FBN1: variants seen among roughly 807,000 people sequenced by gnomAD.
FBN1 encodes the protein fibrillin 1.
In FBN1, 29 loss-of-function variants were observed where a neutral mutation model predicts 365.1. That is an observed-to-expected ratio of 0.08 (90% confidence interval 0.06 to 0.11). The LOEUF (loss-of-function observed/expected upper bound fraction) is 0.11, where lower values mean the gene tolerates loss of function less well. Among genes scored for constraint, FBN1 ranks in the 10% least tolerant of loss-of-function variants. The pLI, the probability that FBN1 is intolerant of heterozygous loss-of-function variation, is 1.00. For synonymous variants in FBN1, 1,210 were observed against 1,270.5 expected (o/e 0.95, Z 1.01); for missense variants, 2,476 against 3,703.2 (o/e 0.67, Z 8.60).
At chr15:48,616,716 C>A (rs1889660941) in intron 2 of FBN1, among the ~76,000 whole-genome samples, 1 of 152,116 alleles carries the variant, frequency 6.6e-6, no homozygotes. Flanking sequence ...TCCCCATCAA[C>A]CCCCATCACT....
At chr15:48,556,872 TA>T (rs898070939) in intron 6 of FBN1, among the ~76,000 whole-genome samples, 2 of 152,228 alleles carry the variant, frequency 1.3e-5, no homozygotes, top group African/African-American at 4.8e-5. Context: ...TTATCAGTGA[TA>T]TTTTTAAAAG....
chr15:48,472,467 A>G, intron 35 of FBN1, 84 bp downstream of exon 35: 1 of 1,525,680 alleles, frequency 6.6e-7, no homozygotes, highest in Admixed American at 1.9e-5. Context: ...TTAAAAAAAA[A>G]AAAAAAAAAA....
At chr15:48,413,846 T>C (rs2042882142) in intron 64 of FBN1, among the ~76,000 whole-genome samples, 1 of 152,230 alleles carries the variant, frequency 6.6e-6, no homozygotes, top group Non-Finnish European at 1.5e-5. Flanking sequence ...GAATATCTGT[T>C]GTATTTCAAA....
intron 8 of FBN1, among the ~76,000 whole-genome samples, chr15:48,527,591 C>G (rs1456014121): frequency 6.6e-6 from 1 of 152,200 alleles, no homozygotes. Flanking sequence ...GCTAAGTACT[C>G]TCTTCATTTA....
At chr15:48,484,051 A>G in intron 30 of FBN1, 108 bp from the exon 31 acceptor site, 2 of 1,097,810 alleles carry the variant, frequency 1.8e-6, no homozygotes, top group South Asian at 1.3e-5. Flanking sequence ...CTAGCATAAG[A>G]CTATTAACTC....
rs533312404 is a variant in FBN1, at chr15:48,408,540, G to T, written c.*2450C>A. 6.5e-6 allele frequency: 1 copy of T among 152,730 alleles called. No homozygotes were observed. Among genetic ancestry groups the T allele is most frequent in the South Asian group, 2.1e-4 (1 of 4,826 alleles). 9.5% of individuals were successfully genotyped at this position (152,730 alleles called of 1,614,324 possible). A position where few individuals can be genotyped will look rare whatever the true frequency, so the allele number is the denominator to read the frequency against. ...TTGGCAAATGAAATGGGCTGAGGGG[G>T]TAGAGACAAGATATTTTCAAGCTTC... On this transcript the variant is annotated 3_prime_UTR_variant, in exon 66 of 66. Coordinates refer to ENST00000316623, the MANE Select transcript of FBN1 (RefSeq NM_000138.5).
intron 5 of FBN1, among the ~76,000 whole-genome samples, chr15:48,597,158 A>G (rs1421131481): frequency 6.6e-6 from 1 of 152,196 alleles, no homozygotes; most frequent in African/African-American, 2.4e-5. Context: ...CAAAACCTCC[A>G]TTCAAATTCC....
rs2303499 is a variant in FBN1 at position 48,460,380 on chromosome 15, T to G, written c.5225-63A>C. On this transcript the variant is annotated intron_variant, in intron 42 of 65. Transcript: ENST00000316623. ...GGTCAGCAAAGAACAATAATTGGACTGAAAAAAATTATTTTGTAAGCATTC... is the reference window on the plus strand; with the variant it reads ...GGTCAGCAAAGAACAATAATTGGACGGAAAAAAATTATTTTGTAAGCATTC... 80 of 993,538 alleles carry G rather than the reference T, an allele frequency of 8.1e-5. No individual in the cohort carries two copies. The East Asian group carries it at 1.8e-3, about 23-fold the overall frequency. The allele number at this position is 993,538 out of a possible 1,614,324, so 61.5% of individuals were successfully genotyped here.
chr15:48,435,932 C>T (rs1042968350), intron 53 of FBN1, among the ~76,000 whole-genome samples: 3 of 151,824 alleles, frequency 2.0e-5, no homozygotes, highest in African/African-American at 7.3e-5. Context: ...GATATTTTAG[C>T]TATCTAAGGC....
chr15:48,499,815 TC>T (rs1171630781), intron 17 of FBN1, among the ~76,000 whole-genome samples: 1 of 152,160 alleles, frequency 6.6e-6, no homozygotes, highest in Non-Finnish European at 1.5e-5. Flanking sequence ...GAAACTAGTG[TC>T]CCCTTAAGTT....
At chr15:48,493,794 T>G (rs1276414422) in intron 23 of FBN1, among the ~76,000 whole-genome samples, 1 of 152,152 alleles carries the variant, frequency 6.6e-6, no homozygotes, top group East Asian at 1.9e-4. Context: ...CATGCAGACT[T>G]TCAACAAAGA....
chr15:48,445,526 T>C, intron 47 of FBN1, 22 bp from the exon 48 acceptor site: 1 of 1,609,252 alleles, frequency 6.2e-7, no homozygotes, highest in Non-Finnish European at 8.5e-7. Flanking sequence ...TCCCCAACAA[T>C]CCTTTAATAT....
In FBN1 at chr15:48,490,030, G is replaced by C. The variant is rs781698952; in HGVS notation, c.2903C>G (p.Thr968Ser). 1.2e-6 allele frequency: 2 copies of C among 1,614,110 alleles called. No individual in the cohort carries two copies. Among genetic ancestry groups the C allele is most frequent in the South Asian group, 2.2e-5 (2 of 91,064 alleles). ...GCGGTGGCGGCCAGCAATAGGCAGG[G>C]TGCACTCCTCGTCCTCGTACCTCAG... The part of the protein sequence containing the change: ...CFLRYEDEEC[T>S]LPIAGRHRMD... Residue 968 changes from threonine (T) to serine (S), a missense_variant, in exon 25 of 66, where the codon ACC (threonine) becomes AGC (serine). Coordinates refer to ENST00000316623, the MANE Select transcript of FBN1 (RefSeq NM_000138.5).
chr15:48,487,255 A>G (rs2141293443), intron 28 of FBN1, 55 bp from the exon 29 acceptor site: 1 of 1,614,134 alleles, frequency 6.2e-7, no homozygotes, highest in South Asian at 1.1e-5. Flanking sequence ...AACTTTGGCA[A>G]TGATGTCATT....
intron 35 of FBN1, 137 bp downstream of exon 35, chr15:48,472,414 C>A: frequency 8.1e-7 from 1 of 1,237,328 alleles, no homozygotes; most frequent in Non-Finnish European, 1.1e-6. Flanking sequence ...CCTCTACAAA[C>A]TGAACTGACC....
intron 15 of FBN1, among the ~76,000 whole-genome samples, chr15:48,508,238 A>C (rs1414403318): frequency 6.6e-6 from 1 of 152,202 alleles, no homozygotes; most frequent in Non-Finnish European, 1.5e-5. Context: ...CCTAACCACC[A>C]TTATTCCCTA....
intron 6 of FBN1, among the ~76,000 whole-genome samples, chr15:48,588,867 G>T (rs1268241598): frequency 1.3e-5 from 2 of 152,212 alleles, no homozygotes; most frequent in African/African-American, 2.4e-5. Flanking sequence ...AGACTCCTCA[G>T]ATTGCATGAT....
chr15:48,499,883 A>C (rs1359418285), intron 17 of FBN1, among the ~76,000 whole-genome samples: 2 of 152,202 alleles, frequency 1.3e-5, no homozygotes, highest in African/African-American at 4.8e-5. Flanking sequence ...TCTGTGCTTA[A>C]GTGGAAGGAG....
At chr15:48,521,614 C>T (rs78991814) in intron 9 of FBN1, among the ~76,000 whole-genome samples, 1,972 of 152,270 alleles carry the variant, frequency 0.013, 44 homozygotes, top group African/African-American at 0.045. Context: ...ACATCCGACA[C>T]ACTGCAGCGC....
Sources: allele counts gnomAD v4.1 joint callset (sites outside exome capture counted in the v4.1 genomes callset), GRCh38; gene constraint gnomAD v4.1.1; transcripts MANE v1.5; gene names NCBI Gene and HGNC (gene_info 2026-07-23, HGNC 2026-07-21).